DGKB: variants seen among roughly 807,000 people sequenced by gnomAD.
DGKB encodes diacylglycerol kinase beta, also known as 90 kDa diacylglycerol kinase.
DGKB carries 67 observed loss-of-function variants against 114.3 expected under a neutral mutation model. That is an observed-to-expected ratio of 0.59 (90% CI 0.48 to 0.72). The LOEUF (loss-of-function observed/expected upper bound fraction) is 0.72, where lower values mean the gene tolerates loss of function less well. DGKB is among the 30% of genes least tolerant of loss of function. The probability of loss-of-function intolerance (pLI) is 0.00; values close to 1 mark genes in which losing one functional copy is unlikely to be tolerated. For synonymous variants in DGKB, 398 were observed against 323.1 expected, an observed-to-expected ratio of 1.23 and a Z score of -2.49; for missense variants, 907 against 975.2, an observed-to-expected ratio of 0.93 and a Z score of 0.93.
At chr7:14,829,399 G>A (rs1846116101) in intron 2 of DGKB, among the ~76,000 whole-genome samples, 1 of 152,126 alleles carries the variant, frequency 6.6e-6, no homozygotes, top group South Asian at 2.1e-4. Context: ...GGGAAAAGAA[G>A]TCACACACAA....
chr7:14,336,628 AG>A (rs1810724332), intron 23 of DGKB, among the ~76,000 whole-genome samples: 1 of 152,198 alleles, frequency 6.6e-6, no homozygotes, highest in Non-Finnish European at 1.5e-5. Context: ...GAAAGGAAAG[AG>A]AGCGCTTTTC....
At chr7:14,616,566 C>CAA (rs762219735) in intron 15 of DGKB, among the ~76,000 whole-genome samples, 3 of 151,712 alleles carry the variant, frequency 2.0e-5, no homozygotes, top group Non-Finnish European at 4.4e-5. Context: ...GATAAAAACA[C>CAA]AACTATGTCA....
At chr7:14,872,613 T>C (rs1038213462) in intron 1 of DGKB, among the ~76,000 whole-genome samples, 1 of 152,136 alleles carries the variant, frequency 6.6e-6, no homozygotes, top group Non-Finnish European at 1.5e-5. Flanking sequence ...GACACCATTA[T>C]ACTCACTGTT....
chr7:14,528,077 A>G (rs2128584487), intron 20 of DGKB, among the ~76,000 whole-genome samples: 1 of 152,242 alleles, frequency 6.6e-6, no homozygotes. Flanking sequence ...TGAAAAGTAC[A>G]AGTTGATGAA....
intron 2 of DGKB, among the ~76,000 whole-genome samples, chr7:14,762,796 T>C (rs1250129589): frequency 6.6e-6 from 1 of 152,160 alleles, no homozygotes; most frequent in Non-Finnish European, 1.5e-5. Context: ...CTTGGCTGAA[T>C]GTCCCTGGGC....
chr7:14,913,706 T>C (rs545105832), intron 1 of DGKB, among the ~76,000 whole-genome samples: 2 of 152,112 alleles, frequency 1.3e-5, no homozygotes, highest in South Asian at 2.1e-4. Flanking sequence ...GGAAGAATTT[T>C]CAAGGATGAC....
intron 23 of DGKB, among the ~76,000 whole-genome samples, chr7:14,187,581 T>G (rs1164690349): frequency 6.6e-6 from 1 of 152,162 alleles, no homozygotes; most frequent in Non-Finnish European, 1.5e-5. Flanking sequence ...CCTAGAGCAC[T>G]GAGGCAATAT....
intron 23 of DGKB, among the ~76,000 whole-genome samples, chr7:14,279,147 C>A (rs202133090): frequency 3.3e-5 from 5 of 151,996 alleles, no homozygotes; most frequent in Non-Finnish European, 5.9e-5. Flanking sequence ...TCGGGTCACT[C>A]CCACCCGAAT....
At chr7:14,772,908 G>A (rs541411190) in intron 2 of DGKB, among the ~76,000 whole-genome samples, 4 of 152,090 alleles carry the variant, frequency 2.6e-5, no homozygotes, top group African/African-American at 9.7e-5. Flanking sequence ...TCAGCAAGCA[G>A]CAGCACTGAC....
chr7:14,260,115 C>CACACACACACATGA (rs1796553112), intron 23 of DGKB, among the ~76,000 whole-genome samples: 1 of 7,038 alleles, frequency 1.4e-4, no homozygotes, highest in Admixed American at 2.1e-3. Context: ...CATGAACACA[C>CACACACACACATGA]ACACACACAC....
At chr7:14,901,240 AC>A (rs1783008792) in intron 1 of DGKB, among the ~76,000 whole-genome samples, 1 of 152,158 alleles carries the variant, frequency 6.6e-6, no homozygotes, top group South Asian at 2.1e-4. Flanking sequence ...GACATTCTTG[AC>A]GTGTTTTATT....
intron 1 of DGKB, among the ~76,000 whole-genome samples, chr7:14,865,076 G>T (rs892870482): frequency 1.1e-5 from 1 of 90,058 alleles, no homozygotes; most frequent in Admixed American, 1.4e-4. Flanking sequence ...AAATTGTAAA[G>T]AATTGATGAC....
At chr7:14,439,807 T>A (rs1829810045) in intron 21 of DGKB, among the ~76,000 whole-genome samples, 1 of 143,836 alleles carries the variant, frequency 7.0e-6, no homozygotes, top group Admixed American at 7.4e-5. Context: ...GAAGTTTCAG[T>A]GAGCCTGAGA....
intron 1 of DGKB, among the ~76,000 whole-genome samples, chr7:14,967,351 G>C (rs1787214222): frequency 6.6e-6 from 1 of 151,362 alleles, no homozygotes; most frequent in Non-Finnish European, 1.5e-5. Context: ...TTGAGATGCA[G>C]TCTCTGTTGC....
intron 25 of DGKB, among the ~76,000 whole-genome samples, chr7:14,153,340 C>A (rs1420381398): frequency 1.3e-5 from 2 of 152,204 alleles, no homozygotes; most frequent in East Asian, 3.9e-4. Context: ...AAGTTTAGAA[C>A]AGAGGTGGAT....
At chr7:14,875,724 C>G (rs1853178562) in intron 1 of DGKB, among the ~76,000 whole-genome samples, 1 of 152,232 alleles carries the variant, frequency 6.6e-6, no homozygotes, top group Admixed American at 6.5e-5. Flanking sequence ...ACAAGCTTTT[C>G]TAACCCACGT....
rs1234734186 is a variant in DGKB at position 14,319,038 on chromosome 7, CA to C, written c.2122+19476del. Among the ~76,000 whole-genome samples the C allele has an allele frequency of 2.7e-5, 4 of 149,642 alleles. No individual in the cohort carries two copies. In the East Asian group the frequency reaches 7.9e-4, roughly 30 times the overall value. On this transcript the variant is annotated intron_variant, in intron 23 of 25. Coordinates refer to ENST00000402815, the MANE Select transcript of DGKB (RefSeq NM_001350709.2). Reference sequence around the variant, plus strand: ...CATTCTCAGTAAACTGTCGCAAGAACAAAAAACCAAACACTGCATATGCTCA... The same window carrying C: ...CATTCTCAGTAAACTGTCGCAAGAACAAAAACCAAACACTGCATATGCTCA...
At chr7:14,352,258 T>C (rs6955228) in intron 21 of DGKB, among the ~76,000 whole-genome samples, 60,035 of 151,944 alleles carry the variant, frequency 0.4, 12,043 homozygotes, top group African/African-American at 0.45. Context: ...TTTTTTTATA[T>C]GTAAGTGTAA....
intron 1 of DGKB, among the ~76,000 whole-genome samples, chr7:14,862,580 T>C (rs932986024): frequency 1.2e-4 from 19 of 152,066 alleles, no homozygotes; most frequent in African/African-American, 4.1e-4. Context: ...TAATAAGCAA[T>C]GAAGCCAGAA....
Sources: allele counts gnomAD v4.1 joint callset (sites outside exome capture counted in the v4.1 genomes callset), GRCh38; gene constraint gnomAD v4.1.1; transcripts MANE v1.5; gene names NCBI Gene and HGNC (gene_info 2026-07-23, HGNC 2026-07-21).